CFLAR: variants seen among roughly 807,000 people sequenced by gnomAD.
CFLAR encodes the protein CASP8 and FADD-like apoptosis regulator.
In CFLAR, 14 loss-of-function variants were observed where a neutral mutation model predicts 51.1. The ratio of observed to expected loss-of-function variants is 0.27; its 90% CI spans 0.18 to 0.43. The LOEUF is 0.43. Among genes scored for constraint, CFLAR ranks in the 20% least tolerant of loss-of-function variants. CFLAR has a pLI of 1.00. For synonymous variants in CFLAR, 210 were observed against 211.6 expected (o/e 0.99, Z 0.06); for missense variants, 390 against 566.5 (o/e 0.69, Z 3.16).
chr2:201,129,801 T>A lies in CFLAR; in HGVS notation c.-65T>A. On this transcript the variant is annotated 5_prime_UTR_variant, in exon 2 of 10. Coordinates refer to ENST00000309955, the MANE Select transcript of CFLAR (RefSeq NM_003879.7). Reference sequence around the variant, plus strand: ...GAAATGAAGTTGACTGCCTGCTGGCTTTCTGTTGACTGGCCCGGAGCTGTA... The same window carrying A: ...GAAATGAAGTTGACTGCCTGCTGGCATTCTGTTGACTGGCCCGGAGCTGTA... 6.7e-7 allele frequency: 1 copy of A among 1,489,294 alleles called. No homozygotes were observed. The highest frequency in any genetic ancestry group is 1.3e-5 in the South Asian group (1 of 79,904). 92.3% of individuals were successfully genotyped at this position (1,489,294 alleles called of 1,614,324 possible). A position where few individuals can be genotyped will look rare whatever the true frequency, so the allele number is the denominator to read the frequency against.
rs1940811614 is a variant in CFLAR at position 201,149,120 on chromosome 2, A to G, written c.711+68A>G. The G allele has an allele frequency of 2.9e-6, 3 of 1,029,926 alleles. No individual in the cohort carries two copies. The South Asian group carries it at 4.0e-5, about 14-fold the overall frequency. The allele number at this position is 1,029,926 out of a possible 1,614,324, so 63.8% of individuals were successfully genotyped here. On this transcript the variant is annotated intron_variant, in intron 7 of 9. Transcript: ENST00000309955. ...TGTGGATAACCCTGACTTCTTTAAA[A>G]ATACCTGTCCATTAAGAATTCTTTG...
intron 8 of CFLAR, among the ~76,000 whole-genome samples, chr2:201,158,555 A>T (rs1250138882): frequency 2.6e-5 from 4 of 152,052 alleles, no homozygotes; most frequent in Non-Finnish European, 5.9e-5. Context: ...ATGATTAGAG[A>T]CGTGTGAGTC....
intron 8 of CFLAR, among the ~76,000 whole-genome samples, chr2:201,156,964 T>G (rs1033240806): frequency 3.9e-5 from 6 of 152,164 alleles, no homozygotes; most frequent in Non-Finnish European, 7.3e-5. Context: ...CTGAGCCCAT[T>G]TTAGTTTAGA....
intron 1 of CFLAR, among the ~76,000 whole-genome samples, chr2:201,128,999 G>A (rs2048971728): frequency 6.6e-6 from 1 of 152,158 alleles, no homozygotes. Context: ...AGCACTAATG[G>A]CAATTGCTGC....
rs1013558399 is a variant in CFLAR at position 201,169,029 on chromosome 2, T to C, written c.*5056T>C. 1 of 152,168 alleles carries C rather than the reference T, an allele frequency of 6.6e-6. No individual in the cohort carries two copies. The highest frequency in any genetic ancestry group is 2.1e-4 in the South Asian group (1 of 4,826). The allele number at this position is 152,168 out of a possible 1,614,324, so 9.4% of individuals were successfully genotyped here. On this transcript the variant is annotated 3_prime_UTR_variant, in exon 10 of 10. Coordinates refer to ENST00000309955, the MANE Select transcript of CFLAR (RefSeq NM_003879.7). ...AGAATCAATATCATGAAAATGGCCATACTACCCAAAGTAATTTATAGGTTC... is the reference window on the plus strand; with the variant it reads ...AGAATCAATATCATGAAAATGGCCACACTACCCAAAGTAATTTATAGGTTC...
intron 1 of CFLAR, among the ~76,000 whole-genome samples, chr2:201,127,409 T>A (rs147266694): frequency 1.6e-4 from 25 of 152,250 alleles, no homozygotes; most frequent in Non-Finnish European, 3.2e-4. Context: ...AATCTCAGCA[T>A]TTCGGAAGGC....
intron 7 of CFLAR, 79 bp downstream of exon 7, chr2:201,149,131 A>G (rs977251865): frequency 8.4e-6 from 8 of 957,652 alleles, no homozygotes; most frequent in Admixed American, 3.7e-5. Context: ...ATACCTGTCC[A>G]TTAAGAATTC....
At chr2:201,163,782 C>T (rs1943288491) in intron 9 of CFLAR, 53 bp from the exon 10 acceptor site, 1 of 1,572,232 alleles carries the variant, frequency 6.4e-7, no homozygotes, top group South Asian at 1.2e-5. Context: ...TAATGACAGT[C>T]TTCTCTTTGA....
In CFLAR at chr2:201,160,328, C is replaced by G. The variant is rs1190014426; in HGVS notation, c.794-104C>G. ...TCAAAATATGACACAAAAGCAGAAG[C>G]TTTTCATAATGGAGATTAGACCATG... On this transcript the variant is annotated intron_variant, in intron 8 of 9. Coordinates refer to ENST00000309955, the MANE Select transcript of CFLAR (RefSeq NM_003879.7). 1.8e-5 allele frequency: 22 copies of G among 1,250,602 alleles called. No homozygotes were observed. In the East Asian group the frequency reaches 4.9e-4, roughly 28 times the overall value. The allele number at this position is 1,250,602 out of a possible 1,614,324, so 77.5% of individuals were successfully genotyped here.
intron 8 of CFLAR, among the ~76,000 whole-genome samples, chr2:201,158,865 A>G (rs920326698): frequency 2.3e-5 from 3 of 129,482 alleles, no homozygotes; most frequent in Non-Finnish European, 5.5e-5. Context: ...TATTATTATT[A>G]TTATTATTAT....
At chr2:201,134,193 C>A (rs1195316635) in intron 3 of CFLAR, among the ~76,000 whole-genome samples, 1 of 151,694 alleles carries the variant, frequency 6.6e-6, no homozygotes, top group Non-Finnish European at 1.5e-5. Flanking sequence ...ACCTATAATC[C>A]CAGCTACAGG....
In CFLAR at chr2:201,164,305, A is replaced by G. The variant is rs1943342620; in HGVS notation, c.*332A>G. On this transcript the variant is annotated 3_prime_UTR_variant, in exon 10 of 10. Transcript: ENST00000309955. Reference sequence around the variant, plus strand: ...AAAAAAAAAAAAAAGGACAGGAACTATCTTACTCAATGTATTAGTCATGTT... The same window carrying G: ...AAAAAAAAAAAAAAGGACAGGAACTGTCTTACTCAATGTATTAGTCATGTT... 5.5e-6 allele frequency: 1 copy of G among 181,474 alleles called. No homozygotes were observed. The highest frequency in any genetic ancestry group is 1.4e-4 in the East Asian group (1 of 7,128). The allele number at this position is 181,474 out of a possible 1,614,324, so 11.2% of individuals were successfully genotyped here.
intron 2 of CFLAR, 130 bp from the exon 3 acceptor site, chr2:201,132,899 G>A: frequency 1.2e-6 from 1 of 825,994 alleles, no homozygotes; most frequent in East Asian, 2.7e-5. Context: ...TGTTTTATGA[G>A]GGAGGGACAT....
intron 1 of CFLAR, among the ~76,000 whole-genome samples, chr2:201,121,211 G>A (rs1575589997): frequency 6.6e-6 from 1 of 152,164 alleles, no homozygotes; most frequent in South Asian, 2.1e-4. Flanking sequence ...TTTTAATCTG[G>A]TAAGTAATTA....
chr2:201,157,892 C>T (rs1427937519), intron 8 of CFLAR: 7 of 152,274 alleles, frequency 4.6e-5, no homozygotes, highest in African/African-American at 1.4e-4. Context: ...TGGGAAATGT[C>T]AGCGGTAATG....
In CFLAR at chr2:201,175,118, C is replaced by T. The variant is rs954372108; in HGVS notation, c.*11145C>T. The T allele has an allele frequency of 6.6e-6, 1 of 152,198 alleles. No homozygotes were observed. The highest frequency in any genetic ancestry group is 1.5e-5 in the Non-Finnish European group (1 of 68,054). The allele number at this position is 152,198 out of a possible 1,614,324, so 9.4% of individuals were successfully genotyped here. On this transcript the variant is annotated 3_prime_UTR_variant, in exon 10 of 10. Transcript: ENST00000309955. ...CATGAATAAGCCACCTCTTGTTTAG[C>T]GTATAGTCAAGAAGCAACCATAAAT...
chr2:201,157,051 A>G (rs186798401), intron 8 of CFLAR, among the ~76,000 whole-genome samples: 1 of 152,338 alleles, frequency 6.6e-6, no homozygotes, highest in Admixed American at 6.5e-5. Context: ...GGTGATTTGT[A>G]CTTTGAAATG....
chr2:201,162,986 T>C (rs750276470), intron 9 of CFLAR: 19 of 739,852 alleles, frequency 2.6e-5, no homozygotes, highest in African/African-American at 2.6e-4. Context: ...TATCCTTAAT[T>C]GTTTTCTAGG....
In CFLAR at chr2:201,174,510, C is replaced by T. The variant is rs936674239; in HGVS notation, c.*10537C>T. On this transcript the variant is annotated 3_prime_UTR_variant, in exon 10 of 10. Coordinates refer to ENST00000309955, the MANE Select transcript of CFLAR (RefSeq NM_003879.7). ...GTAACTTCGTAGTAAGTTTTGGAAT[C>T]CAGAAATGTAGTCCTCTAACTTTGT... is the stretch of plus-strand genomic sequence containing the variant. 2.0e-5 allele frequency: 3 copies of T among 152,128 alleles called. No homozygotes were observed. Among genetic ancestry groups the T allele is most frequent in the East Asian group, 3.8e-4 (2 of 5,204 alleles). The allele number at this position is 152,128 out of a possible 1,614,324, so 9.4% of individuals were successfully genotyped here. A position where few individuals can be genotyped will look rare whatever the true frequency, so the allele number is the denominator to read the frequency against.
Sources: allele counts gnomAD v4.1 joint callset (sites outside exome capture counted in the v4.1 genomes callset), GRCh38; gene constraint gnomAD v4.1.1; transcripts MANE v1.5; gene names NCBI Gene and HGNC (gene_info 2026-07-23, HGNC 2026-07-21).